The following SIPA1L3 variants were observed in gnomAD, a reference collection of about 807,000 sequenced individuals.
The protein encoded by SIPA1L3 is signal induced proliferation associated 1 like 3, also known as signal-induced proliferation-associated 1-like protein 3.
A neutral mutation model predicts 150.1 loss-of-function variants in SIPA1L3; 59 were observed. That is an observed-to-expected ratio of 0.39 (90% CI 0.32 to 0.49). The LOEUF is 0.49. Among genes scored for constraint, SIPA1L3 ranks in the 20% least tolerant of loss-of-function variants. The pLI is 0.86. For synonymous variants in SIPA1L3, 1,070 were observed against 1,077.6 expected, an observed-to-expected ratio of 0.99 and a Z score of 0.14; for missense variants, 2,211 against 2,489.5, an observed-to-expected ratio of 0.89 and a Z score of 2.38.
intron 1 of SIPA1L3, among the ~76,000 whole-genome samples, chr19:37,973,172 T>C (rs1966983189): frequency 6.6e-6 from 1 of 150,916 alleles, no homozygotes; most frequent in Non-Finnish European, 1.5e-5. Context: ...GTTCTTCTCA[T>C]AAGCACCTGC....
At chr19:38,122,180 C>A (rs1971036751) in intron 9 of SIPA1L3, among the ~76,000 whole-genome samples, 1 of 151,626 alleles carries the variant, frequency 6.6e-6, no homozygotes, top group Admixed American at 6.5e-5. Flanking sequence ...GAGAGTGAGC[C>A]ACTGCACTCC....
At chr19:38,021,200 G>A (rs1042699645) in intron 1 of SIPA1L3, among the ~76,000 whole-genome samples, 2 of 152,176 alleles carry the variant, frequency 1.3e-5, no homozygotes, top group Admixed American at 1.3e-4. Context: ...GCTGCAGCAG[G>A]TGTTTCAGTT....
intron 12 of SIPA1L3, 31 bp downstream of exon 12, chr19:38,142,741 G>C: frequency 6.3e-7 from 1 of 1,596,968 alleles, no homozygotes; most frequent in Non-Finnish European, 8.6e-7. Flanking sequence ...TTCATGTTAA[G>C]GGATCTGATG....
intron 6 of SIPA1L3, among the ~76,000 whole-genome samples, chr19:38,105,187 C>T (rs1394476289): frequency 6.6e-6 from 1 of 151,948 alleles, no homozygotes; most frequent in African/African-American, 2.4e-5. Flanking sequence ...GAAACCCCAT[C>T]TCTACTAAAA....
intron 2 of SIPA1L3, among the ~76,000 whole-genome samples, chr19:38,037,183 G>A (rs1968811225): frequency 6.6e-6 from 1 of 152,342 alleles, no homozygotes; most frequent in Non-Finnish European, 1.5e-5. Context: ...ACAGCTGTGT[G>A]ATTATGTCTG....
At position 37,989,533 on chromosome 19, in the gene SIPA1L3, A is replaced by G. The variant is rs548281293; in HGVS notation, c.-378-39556A>G. Reference sequence around the variant, plus strand: ...TCTCAGTGTACCACTGCACCCAGCTATGCAGCACCTATCTTGAGCTCCATT... The same window carrying G: ...TCTCAGTGTACCACTGCACCCAGCTGTGCAGCACCTATCTTGAGCTCCATT... On this transcript the variant is annotated intron_variant, in intron 1 of 21. Transcript: ENST00000222345. Among the ~76,000 whole-genome samples the G allele has an allele frequency of 3.3e-5, 5 of 152,276 alleles. No individual in the cohort carries two copies. The South Asian group carries it at 8.3e-4, about 25-fold the overall frequency.
chr19:38,105,893 G>A (rs1055614736), intron 6 of SIPA1L3, among the ~76,000 whole-genome samples: 1 of 152,178 alleles, frequency 6.6e-6, no homozygotes, highest in African/African-American at 2.4e-5. Flanking sequence ...AGGAAAGGAA[G>A]TGCCAGGTTA....
intron 9 of SIPA1L3, among the ~76,000 whole-genome samples, chr19:38,123,394 T>A (rs1348732497): frequency 6.7e-6 from 1 of 149,866 alleles, no homozygotes; most frequent in Non-Finnish European, 1.5e-5. Context: ...CTGGTTTTCC[T>A]AGGCAGAGGA....
intron 1 of SIPA1L3, among the ~76,000 whole-genome samples, chr19:37,948,609 C>CA (rs2046733977): frequency 6.6e-6 from 1 of 152,104 alleles, no homozygotes; most frequent in Non-Finnish European, 1.5e-5. Context: ...AGATACCACT[C>CA]GGGTATTTCC....
At chr19:38,054,598 A>G (rs7256626) in intron 2 of SIPA1L3, among the ~76,000 whole-genome samples, 1 of 151,900 alleles carries the variant, frequency 6.6e-6, no homozygotes, top group African/African-American at 2.4e-5. Context: ...CTCCATCTCA[A>G]AAAAAAAGGA....
At chr19:38,168,446 G>A (rs943951789) in intron 15 of SIPA1L3, among the ~76,000 whole-genome samples, 2 of 151,666 alleles carry the variant, frequency 1.3e-5, no homozygotes, top group East Asian at 1.9e-4. Context: ...CCTGGGTGAC[G>A]GAGTGAAACT....
chr19:38,054,849 C>A (rs1237335855), intron 2 of SIPA1L3, among the ~76,000 whole-genome samples: 1 of 152,178 alleles, frequency 6.6e-6, no homozygotes, highest in Non-Finnish European at 1.5e-5. Flanking sequence ...GCTGCTCAGG[C>A]CATGGGGATG....
rs552774421 is a variant in SIPA1L3, at chr19:38,067,564, A to C, written c.-310-13692A>C. Among the ~76,000 whole-genome samples the C allele has an allele frequency of 2.0e-5, 3 of 152,206 alleles. No homozygotes were observed. In the South Asian group the frequency reaches 6.2e-4, roughly 32 times the overall value. On this transcript the variant is annotated intron_variant, in intron 2 of 21. Transcript: ENST00000222345. Reference sequence around the variant, plus strand: ...GATAACCTGAGGTCAGGAGTTCAAGACCAGCCTGGCCAACATGGCAAAACC... The same window carrying C: ...GATAACCTGAGGTCAGGAGTTCAAGCCCAGCCTGGCCAACATGGCAAAACC...
At chr19:38,067,495 G>T (rs1200405018) in intron 2 of SIPA1L3, among the ~76,000 whole-genome samples, 2 of 152,056 alleles carry the variant, frequency 1.3e-5, no homozygotes, top group Non-Finnish European at 2.9e-5. Context: ...GGGCGTGGTG[G>T]CTCAAGTCTG....
chr19:38,063,953 G>C (rs956053925), intron 2 of SIPA1L3, among the ~76,000 whole-genome samples: 1 of 152,240 alleles, frequency 6.6e-6, no homozygotes, highest in African/African-American at 2.4e-5. Context: ...CCCCAGTTAA[G>C]TACCCAGAAG....
intron 1 of SIPA1L3, among the ~76,000 whole-genome samples, chr19:37,962,466 T>TTTTTTTTTC: frequency 7.6e-6 from 1 of 131,128 alleles, no homozygotes; most frequent in Non-Finnish European, 1.6e-5. Flanking sequence ...AGCCGGCCTT[T>TTTTTTTTTC]TTTTTTTTTT....
intron 1 of SIPA1L3, among the ~76,000 whole-genome samples, chr19:37,952,008 C>G (rs774131421): frequency 2.6e-5 from 4 of 151,578 alleles, no homozygotes; most frequent in Non-Finnish European, 2.9e-5. Flanking sequence ...TCCTTATCTT[C>G]CTGCCATAGG....
intron 1 of SIPA1L3, among the ~76,000 whole-genome samples, chr19:37,936,836 A>G (rs538919742): frequency 2.8e-4 from 42 of 152,370 alleles, no homozygotes; most frequent in Admixed American, 1.2e-3. Context: ...AATTGACAGC[A>G]GAATAAAACA....
intron 2 of SIPA1L3, among the ~76,000 whole-genome samples, chr19:38,040,315 A>G (rs1968888218): frequency 6.6e-6 from 1 of 151,906 alleles, no homozygotes; most frequent in Admixed American, 6.6e-5. Context: ...GTATGTTGTC[A>G]CTGGAAACTG....
Sources: allele counts gnomAD v4.1 joint callset (sites outside exome capture counted in the v4.1 genomes callset), GRCh38; gene constraint gnomAD v4.1.1; transcripts MANE v1.5; gene names NCBI Gene and HGNC (gene_info 2026-07-23, HGNC 2026-07-21).